FUBP1: variants seen among roughly 807,000 people sequenced by gnomAD.
FUBP1 encodes far upstream element binding protein 1.
A neutral mutation model predicts 94.9 loss-of-function variants in FUBP1; 16 were observed. The observed-to-expected ratio is 0.17, with a 90% CI of 0.11 to 0.26. The LOEUF is 0.26. FUBP1 is among the 10% of genes least tolerant of loss of function. The pLI, the probability that FUBP1 is intolerant of heterozygous loss-of-function variation, is 1.00. For synonymous variants in FUBP1, 279 were observed against 254.9 expected (o/e 1.09, Z -0.90); for missense variants, 583 against 808.6 (o/e 0.72, Z 3.38).
chr1:77,962,431 G>C (rs1323802961), intron 14 of FUBP1, among the ~76,000 whole-genome samples: 1 of 152,132 alleles, frequency 6.6e-6, no homozygotes, highest in Non-Finnish European at 1.5e-5. Context: ...GTTCAGTAGA[G>C]TAAAATCTTA....
intron 18 of FUBP1, among the ~76,000 whole-genome samples, chr1:77,950,562 A>T (rs191141258): frequency 7.2e-5 from 11 of 152,384 alleles, no homozygotes; most frequent in Admixed American, 2.6e-4. Context: ...CTTTTAAAAA[A>T]TGATGAAGCT....
At chr1:77,957,423 T>C (rs1571262719) in intron 16 of FUBP1, among the ~76,000 whole-genome samples, 1 of 152,140 alleles carries the variant, frequency 6.6e-6, no homozygotes, top group Admixed American at 6.5e-5. Flanking sequence ...TTTTCAGAAA[T>C]CACTATGCCC....
chr1:77,962,848 A>T lies in FUBP1; in HGVS notation c.1266T>A (p.Pro422=). ...LQRNPPPNAD[P]NMKLFTIRGT... is the part of the protein sequence containing the mutation. ...CACGAATTGTAAATAACTTCATATT[A>T]GGATCTGCATTTGGTGGAGGATTTC... Residue 422 remains proline (P), a synonymous_variant, in exon 14 of 20, where the codon CCT becomes CCA. Coordinates refer to ENST00000370768, the MANE Select transcript of FUBP1 (RefSeq NM_003902.5). 18 of 1,611,418 alleles carry T rather than the reference A, an allele frequency of 1.1e-5. No individual in the cohort carries two copies. Among genetic ancestry groups the T allele is most frequent in the Non-Finnish European group, 1.5e-5 (18 of 1,177,542 alleles).
chr1:77,954,982 T>A (rs1260287619), intron 18 of FUBP1, among the ~76,000 whole-genome samples: 1 of 152,194 alleles, frequency 6.6e-6, no homozygotes, highest in South Asian at 2.1e-4. Flanking sequence ...TTTAGACTGA[T>A]AATATATATA....
chr1:77,977,509 G>A (rs769341967), intron 1 of FUBP1, among the ~76,000 whole-genome samples: 1 of 152,194 alleles, frequency 6.6e-6, no homozygotes, highest in Non-Finnish European at 1.5e-5. Flanking sequence ...CTGGGCGACA[G>A]AGGGAGACTC....
At chr1:77,975,915 T>G (rs907575084) in intron 1 of FUBP1, among the ~76,000 whole-genome samples, 1 of 151,454 alleles carries the variant, frequency 6.6e-6, no homozygotes, top group South Asian at 2.1e-4. Context: ...TGACCAGATG[T>G]CAACAACCAG....
intron 2 of FUBP1, among the ~76,000 whole-genome samples, chr1:77,968,707 T>G (rs1436466132): frequency 6.6e-6 from 1 of 151,196 alleles, no homozygotes; most frequent in Non-Finnish European, 1.5e-5. Flanking sequence ...AACTGTTCTA[T>G]TATTTATAAA....
chr1:77,945,736 G>A lies in FUBP1; in HGVS notation c.*3030C>T. ...AAAGGATCAGCACATTTTAGAAATC[G>A]AATAAACAAAACTGATAAGATGCTG... On this transcript the variant is annotated 3_prime_UTR_variant, in exon 20 of 20. Coordinates refer to ENST00000370768, the MANE Select transcript of FUBP1 (RefSeq NM_003902.5). 4.7e-6 allele frequency: 1 copy of A among 212,428 alleles called. No homozygotes were observed. The highest frequency in any genetic ancestry group is 9.5e-6 in the Non-Finnish European group (1 of 104,864). 13.2% of individuals were successfully genotyped at this position (212,428 alleles called of 1,614,324 possible).
In FUBP1 at chr1:77,978,944, C is replaced by G. The variant is rs773565597; in HGVS notation, c.61G>C (p.Gly21Arg). Reference sequence around the variant, plus strand: ...TCGTTAACTCCTCCACCACCACCGCCGCCACCACCGCCACCAGCTGAGCCA... The same window carrying G: ...TCGTTAACTCCTCCACCACCACCGCGGCCACCACCGCCACCAGCTGAGCCA... ...SSGSAGGGGG[G>R]GGGGGVNDAF... Residue 21 changes from glycine (G) to arginine (R), a missense_variant, in exon 1 of 20, where the codon GGC becomes CGC. Coordinates refer to ENST00000370768, the MANE Select transcript of FUBP1 (RefSeq NM_003902.5). The G allele has an allele frequency of 1.2e-6, 2 of 1,613,320 alleles. No homozygotes were observed. The highest frequency in any genetic ancestry group is 8.5e-7 in the Non-Finnish European group (1 of 1,179,420).
rs1571192958 is a variant in FUBP1 at position 77,945,980 on chromosome 1, T to C, written c.*2786A>G. ...CCTTTTATCAAAACATACTGCCTTA[T>C]AACTTTTTCCTTCTTCAGCATATAA... On this transcript the variant is annotated 3_prime_UTR_variant, in exon 20 of 20. Transcript: ENST00000370768. 1 of 203,652 alleles carries C rather than the reference T, an allele frequency of 4.9e-6. No individual in the cohort carries two copies. Among genetic ancestry groups the C allele is most frequent in the Non-Finnish European group, 1.0e-5 (1 of 99,184 alleles). The allele number at this position is 203,652 out of a possible 1,614,324, so 12.6% of individuals were successfully genotyped here.
chr1:77,979,091 G>A (rs937463986), upstream of FUBP1: 20 of 1,211,968 alleles, frequency 1.7e-5, no homozygotes, highest in Non-Finnish European at 2.2e-5. Context: ...GGCCGTCGAA[G>A]CTCTATTACA....
chr1:77,956,535 A>G, intron 17 of FUBP1, 37 bp downstream of exon 17: 1 of 1,534,526 alleles, frequency 6.5e-7, no homozygotes, highest in Non-Finnish European at 9.0e-7. Context: ...TCCAAGCACA[A>G]CTTTTGGCTT....
chr1:77,968,135 C>T, intron 3 of FUBP1, 30 bp downstream of exon 3: 1 of 1,390,720 alleles, frequency 7.2e-7, no homozygotes, highest in Non-Finnish European at 9.8e-7. Context: ...GTTACTTTAG[C>T]TTTTGACCCA....
At chr1:77,968,079 C>A (rs1571328505) in intron 3 of FUBP1, 86 bp downstream of exon 3, 1 of 841,914 alleles carries the variant, frequency 1.2e-6, no homozygotes, top group East Asian at 2.9e-5. Flanking sequence ...AACCAACTAA[C>A]TTCAAAGATA....
chr1:77,974,422 G>A (rs1287985791), intron 1 of FUBP1, among the ~76,000 whole-genome samples: 1 of 152,092 alleles, frequency 6.6e-6, no homozygotes, highest in African/African-American at 2.4e-5. Flanking sequence ...GTGAGCCACC[G>A]CGCCCAGCCT....
chr1:77,964,845 TTATAAAG>T lies in FUBP1; in HGVS notation c.735+18_735+24del, dbSNP rs754132812. ...CAACCCCATTCAACCCACTCTTTCTTTATAAAGTATAAAGTTAAGTTTACTTGAACTT... is the reference window on the plus strand; with the variant it reads ...CAACCCCATTCAACCCACTCTTTCTTTATAAAGTTAAGTTTACTTGAACTT... On this transcript the variant is annotated intron_variant, in intron 9 of 19. Coordinates refer to ENST00000370768, the MANE Select transcript of FUBP1 (RefSeq NM_003902.5). 44 of 1,538,268 alleles carry T rather than the reference TTATAAAG, an allele frequency of 2.9e-5. No homozygotes were observed. The highest frequency in any genetic ancestry group is 4.5e-5 in the East Asian group (2 of 44,516).
chr1:77,956,960 T>A (rs1360123913), intron 16 of FUBP1, among the ~76,000 whole-genome samples: 1 of 152,202 alleles, frequency 6.6e-6, no homozygotes. Context: ...GGGATATGAA[T>A]AAAGGTCTTT....
At chr1:77,968,671 C>T (rs892675681) in intron 2 of FUBP1, among the ~76,000 whole-genome samples, 1 of 150,628 alleles carries the variant, frequency 6.6e-6, no homozygotes, top group Non-Finnish European at 1.5e-5. Flanking sequence ...AAACCCCCCA[C>T]AACATTACAA....
Position 77,946,540 on chromosome 1 carries a change from T to C in FUBP1, c.*2226A>G, listed in dbSNP as rs2102211961. 4 of 202,374 alleles carry C rather than the reference T, an allele frequency of 2.0e-5. No individual in the cohort carries two copies. In the Middle Eastern group the frequency reaches 5.0e-3, roughly 252 times the overall value. 12.5% of individuals were successfully genotyped at this position (202,374 alleles called of 1,614,324 possible). ...TTAGGTTGTGCTTACCTGGTGCTTT[T>C]TGCAGCAGAACCTAAGGTGGAAGGT... On this transcript the variant is annotated 3_prime_UTR_variant, in exon 20 of 20. Coordinates refer to ENST00000370768, the MANE Select transcript of FUBP1 (RefSeq NM_003902.5).
Sources: gnomAD v4.1 joint callset for allele counts (sites outside exome capture counted in the v4.1 genomes callset) on GRCh38, gnomAD v4.1.1 for gene constraint, MANE v1.5 for transcripts, NCBI Gene and HGNC (gene_info 2026-07-23, HGNC 2026-07-21) for gene names.